LEPR: variants seen among roughly 807,000 people sequenced by gnomAD.
LEPR encodes the protein leptin receptor, also known as OB receptor.
A neutral mutation model predicts 114.7 loss-of-function variants in LEPR; 56 were observed. That is an observed-to-expected ratio of 0.49 (90% CI 0.39 to 0.61). The LOEUF is 0.61. Ranked by LOEUF, LEPR falls within the 20% of genes least tolerant of loss-of-function variation. The probability of loss-of-function intolerance (pLI) is 0.00; values close to 1 mark genes in which losing one functional copy is unlikely to be tolerated. For synonymous variants in LEPR, 443 were observed against 461.4 expected (o/e 0.96, Z 0.51); for missense variants, 1,202 against 1,352.9 (o/e 0.89, Z 1.75).
chr1:65,610,657 T>G (rs764937156), intron 14 of LEPR, among the ~76,000 whole-genome samples: 3 of 152,186 alleles, frequency 2.0e-5, no homozygotes, highest in Non-Finnish European at 4.4e-5. Flanking sequence ...TCCTGAACAA[T>G]GTAAATGTCA....
chr1:65,602,942 A>G (rs1311700673), intron 10 of LEPR, among the ~76,000 whole-genome samples: 1 of 152,104 alleles, frequency 6.6e-6, no homozygotes, highest in African/African-American at 2.4e-5. Context: ...CTGTCTTTAC[A>G]TTCTTTTCAT....
chr1:65,426,182 T>A (rs1412900169), intron 2 of LEPR, among the ~76,000 whole-genome samples: 4 of 152,062 alleles, frequency 2.6e-5, no homozygotes, highest in Admixed American at 2.6e-4. Context: ...CATACAGATC[T>A]CTAGGGAAAA....
chr1:65,592,351 A>AG (rs1655759374), intron 5 of LEPR, among the ~76,000 whole-genome samples: 1 of 150,896 alleles, frequency 6.6e-6, no homozygotes, highest in Admixed American at 6.6e-5. Flanking sequence ...CTGAAAAAAA[A>AG]AGCCTTTATT....
chr1:65,618,451 G>A (rs916666646), intron 16 of LEPR, among the ~76,000 whole-genome samples: 7 of 151,792 alleles, frequency 4.6e-5, no homozygotes, highest in African/African-American at 1.7e-4. Context: ...TCAGCTTCCT[G>A]AGTAGCTGAG....
intron 19 of LEPR, among the ~76,000 whole-genome samples, 195 bp from the exon 20 acceptor site, chr1:65,635,996 C>T (rs1457177098): frequency 6.6e-6 from 1 of 152,162 alleles, no homozygotes; most frequent in Non-Finnish European, 1.5e-5. Context: ...TCTTGTCCCA[C>T]TTTCAAATGC....
chr1:65,545,392 A>T (rs1191261849), intron 2 of LEPR, among the ~76,000 whole-genome samples: 1 of 152,004 alleles, frequency 6.6e-6, no homozygotes, highest in Admixed American at 6.6e-5. Context: ...ACTGACTTCC[A>T]CAATGGTTGA....
intron 2 of LEPR, among the ~76,000 whole-genome samples, chr1:65,520,217 A>G (rs545708774): frequency 6.6e-6 from 1 of 151,644 alleles, no homozygotes; most frequent in South Asian, 2.1e-4. Flanking sequence ...CTGGTCTTGA[A>G]CTCCTAGGCC....
chr1:65,554,580 C>T (rs535084351), intron 2 of LEPR, among the ~76,000 whole-genome samples: 2 of 152,240 alleles, frequency 1.3e-5, no homozygotes, highest in South Asian at 4.2e-4. Flanking sequence ...GCTTGAGTGT[C>T]CCAGGTCGAT....
chr1:65,610,036 G>A lies in LEPR; in HGVS notation c.1842G>A (p.Lys614=). Residue 614 remains lysine, a synonymous_variant, in exon 13 of 20, where the codon AAG becomes AAA. Transcript: ENST00000349533. ...CAVYAVQVRC[K]RLDGLGYWSN... is the part of the protein sequence containing the mutation. ...TCTATGCTGTTCAGGTGCGCTGTAA[G>A]AGGCTAGATGGACTGGGATATTGGA... 6.2e-7 allele frequency: 1 copy of A among 1,614,210 alleles called. No individual in the cohort carries two copies. Among genetic ancestry groups the A allele is most frequent in the South Asian group, 1.1e-5 (1 of 91,082 alleles).
chr1:65,628,883 C>T (rs1330410074), intron 19 of LEPR, among the ~76,000 whole-genome samples: 1 of 152,034 alleles, frequency 6.6e-6, no homozygotes, highest in African/African-American at 2.4e-5. Flanking sequence ...GTTTGGAAGA[C>T]CACTTCATGA....
chr1:65,582,584 G>C (rs1309541877), intron 5 of LEPR, among the ~76,000 whole-genome samples: 3 of 152,168 alleles, frequency 2.0e-5, no homozygotes, highest in African/African-American at 7.2e-5. Context: ...AACAGAAGCA[G>C]GTGGAGTTTC....
In LEPR at chr1:65,636,744, C is replaced by T; in HGVS notation, c.3227C>T (p.Ser1076Phe). 2 of 1,612,218 alleles carry T rather than the reference C, an allele frequency of 1.2e-6. No homozygotes were observed. Among genetic ancestry groups the T allele is most frequent in the East Asian group, 2.2e-5 (1 of 44,852 alleles). Residue 1076 changes from serine (S) to phenylalanine (F), a missense_variant, in exon 20 of 20, where the codon TCT becomes TTT. Coordinates refer to ENST00000349533, the MANE Select transcript of LEPR (RefSeq NM_002303.6). ...CCTGAAGAAAATAATGATAAAAAGT[C>T]TATCTATTATTTAGGGGTCACCTCA... ...NFPEENNDKK[S>F]IYYLGVTSIK...
At chr1:65,487,476 A>G (rs1470995133) in intron 2 of LEPR, among the ~76,000 whole-genome samples, 2 of 152,016 alleles carry the variant, frequency 1.3e-5, no homozygotes, top group East Asian at 1.9e-4. Context: ...GTGGTTTTAT[A>G]TATACATTTA....
At chr1:65,625,828 A>G (rs766188756) in intron 19 of LEPR, among the ~76,000 whole-genome samples, 1 of 152,184 alleles carries the variant, frequency 6.6e-6, no homozygotes, top group African/African-American at 2.4e-5. Context: ...GGAAGACTAT[A>G]AGACTTTTTC....
At chr1:65,617,063 A>G (rs1657572013) in intron 15 of LEPR, among the ~76,000 whole-genome samples, 1 of 152,192 alleles carries the variant, frequency 6.6e-6, no homozygotes. Flanking sequence ...TATGCTTAAC[A>G]TTTCCTAAGT....
rs909255714 is a variant in LEPR at position 65,640,832 on chromosome 1, C to T, written c.*3817C>T. 2 of 148,010 alleles carry T rather than the reference C, an allele frequency of 1.4e-5. No individual in the cohort carries two copies. Among genetic ancestry groups the T allele is most frequent in the African/African-American group, 5.0e-5 (2 of 39,934 alleles). 9.2% of individuals were successfully genotyped at this position (148,010 alleles called of 1,614,324 possible). A position where few individuals can be genotyped will look rare whatever the true frequency, so the allele number is the denominator to read the frequency against. On this transcript the variant is annotated 3_prime_UTR_variant, in exon 20 of 20. Coordinates refer to ENST00000349533, the MANE Select transcript of LEPR (RefSeq NM_002303.6). Reference sequence around the variant, plus strand: ...CTGGAGTGCAGTGATGTGATCTCGGCTCACTGCAACCCCTGCTTCCCAGGT... The same window carrying T: ...CTGGAGTGCAGTGATGTGATCTCGGTTCACTGCAACCCCTGCTTCCCAGGT...
intron 2 of LEPR, among the ~76,000 whole-genome samples, chr1:65,454,380 A>G (rs1646836679): frequency 6.6e-6 from 1 of 151,396 alleles, no homozygotes; most frequent in Non-Finnish European, 1.5e-5. Flanking sequence ...CGTAGTCTCG[A>G]TGGTCTTTAC....
chr1:65,456,024 G>A (rs551728961), intron 2 of LEPR, among the ~76,000 whole-genome samples: 14 of 152,240 alleles, frequency 9.2e-5, no homozygotes, highest in East Asian at 5.8e-4. Flanking sequence ...CACAGTATTC[G>A]GGTGGGAGTG....
chr1:65,599,804 T>A (rs1656322336), intron 8 of LEPR, among the ~76,000 whole-genome samples: 1 of 152,186 alleles, frequency 6.6e-6, no homozygotes, highest in Admixed American at 6.5e-5. Flanking sequence ...AATTAAAAAT[T>A]GCATAGTATG....
Sources: allele counts gnomAD v4.1 joint callset (sites outside exome capture counted in the v4.1 genomes callset), GRCh38; gene constraint gnomAD v4.1.1; transcripts MANE v1.5; gene names NCBI Gene and HGNC (gene_info 2026-07-23, HGNC 2026-07-21).